IGF2R: variants seen among roughly 807,000 people sequenced by gnomAD.
IGF2R encodes insulin like growth factor 2 receptor.
Under a neutral mutation model 270.6 loss-of-function variants are expected in IGF2R, and 91 were observed. The observed-to-expected ratio is 0.34, with a 90% CI of 0.28 to 0.40. The LOEUF is 0.40. Among genes scored for constraint, IGF2R ranks in the 10% least tolerant of loss-of-function variants. The pLI, the probability that IGF2R is intolerant of heterozygous loss-of-function variation, is 1.00. For missense variants in IGF2R, 2,805 were observed against 3,188.3 expected (o/e 0.88, Z 2.90); for synonymous variants, 1,316 against 1,258.9 (o/e 1.05, Z -0.96).
intron 4 of IGF2R, among the ~76,000 whole-genome samples, chr6:160,013,834 C>T (rs888022410): frequency 1.3e-5 from 2 of 152,070 alleles, no homozygotes; most frequent in South Asian, 2.1e-4. Flanking sequence ...CTTAATAAAG[C>T]GTATGCCCTT....
chr6:160,019,797 AG>A (rs1271785110), intron 4 of IGF2R, among the ~76,000 whole-genome samples: 1 of 152,212 alleles, frequency 6.6e-6, no homozygotes, highest in Non-Finnish European at 1.5e-5. Context: ...AAATATTAGA[AG>A]GGACATACCT....
chr6:160,059,922 A>G (rs1481240668), intron 22 of IGF2R, among the ~76,000 whole-genome samples: 1 of 152,260 alleles, frequency 6.6e-6, no homozygotes, highest in Non-Finnish European at 1.5e-5. Flanking sequence ...TAAGCCAACG[A>G]ATTAGAGTTA....
At chr6:160,051,343 G>T (rs1400185331) in intron 19 of IGF2R, among the ~76,000 whole-genome samples, 3 of 152,346 alleles carry the variant, frequency 2.0e-5, no homozygotes, top group African/African-American at 7.2e-5. Context: ...TGTGATTGCT[G>T]TCCTCAGTCT....
chr6:159,991,413 T>C (rs1434077627), intron 2 of IGF2R, 90 bp downstream of exon 2: 3 of 1,076,534 alleles, frequency 2.8e-6, no homozygotes, highest in Non-Finnish European at 4.0e-6. Context: ...TATATAGCGA[T>C]ACAAAAATTT....
At chr6:160,003,933 G>A (rs1404370807) in intron 2 of IGF2R, 1 of 151,416 alleles carries the variant, frequency 6.6e-6, no homozygotes, top group African/African-American at 2.4e-5. Flanking sequence ...CTTGAGTTGA[G>A]GGAGTGAGCT....
intron 1 of IGF2R, among the ~76,000 whole-genome samples, chr6:159,976,532 G>A (rs146951840): frequency 2.0e-4 from 31 of 151,698 alleles, no homozygotes; most frequent in African/African-American, 6.0e-4. Flanking sequence ...TCTGTTTCTC[G>A]TTTGACTTGA....
intron 45 of IGF2R, among the ~76,000 whole-genome samples, chr6:160,099,805 G>A (rs980617940): frequency 9.2e-5 from 14 of 152,298 alleles, no homozygotes; most frequent in African/African-American, 2.9e-4. Flanking sequence ...CAACAGTGGT[G>A]TCTAAGCTGA....
rs1562351165 is a variant in IGF2R at position 160,034,475 on chromosome 6, G to A, written c.1268G>A (p.Gly423Glu). ...TTTGGAGGTGATGAATGCAGCTCAG[G>A]GTTTCAGCGGATGAGCGTCATAAAC... ...IYFGGDECSS[G>E]FQRMSVINFE... The change falls in exon 10 of 48, where the codon GGG (glycine) becomes GAG (glutamate). Residue 423 changes from glycine (G) to glutamate (E), a missense_variant. Physicochemically the swap from Gly to Glu is moderately conservative, Grantham distance 98. This residue lies in a region of IGF2R where 954 missense variants were observed against 981.1 expected (regional missense o/e 0.97). Coordinates refer to ENST00000356956, the MANE Select transcript of IGF2R (RefSeq NM_000876.4). The A allele has an allele frequency of 6.2e-7, 1 of 1,611,664 alleles. No individual in the cohort carries two copies. The highest frequency in any genetic ancestry group is 8.5e-7 in the Non-Finnish European group (1 of 1,177,812).
In IGF2R at chr6:160,032,543, C is replaced by T. The variant is rs1205642413; in HGVS notation, c.883-8C>T. ...TTTATTTTGCTTCTTTCACATTGTT[C>T]CTGATAGGGCACCATTCCCAAACTC... On this transcript the variant is annotated splice_region_variant and splice_polypyrimidine_tract_variant and intron_variant, in intron 7 of 47. Coordinates refer to ENST00000356956, the MANE Select transcript of IGF2R (RefSeq NM_000876.4). The T allele has an allele frequency of 3.1e-6, 5 of 1,612,424 alleles. No homozygotes were observed. The South Asian group carries it at 5.5e-5, about 18-fold the overall frequency.
At position 159,969,266 on chromosome 6, in the gene IGF2R, G is replaced by T. The variant is rs1338226468; in HGVS notation, c.20G>T (p.Arg7Leu). Residue 7 changes from arginine (R) to leucine (L), a missense_variant, in exon 1 of 48, where the codon CGG (arginine) becomes CTG (leucine). Around this residue, in one of 2 missense-constraint regions of IGF2R, gnomAD observed 954 missense variants for 981.1 expected, o/e 0.97. Coordinates refer to ENST00000356956, the MANE Select transcript of IGF2R (RefSeq NM_000876.4). MGAAAG[R>L]SPHLGPAPAR... ...GGCGCGATGGGGGCCGCCGCCGGCC[G>T]GAGCCCCCACCTGGGGCCCGCGCCC... 1 of 1,114,826 alleles carries T rather than the reference G, an allele frequency of 9.0e-7. No homozygotes were observed. Among genetic ancestry groups the T allele is most frequent in the Non-Finnish European group, 1.1e-6 (1 of 916,582 alleles). The allele number at this position is 1,114,826 out of a possible 1,614,324, so 69.1% of individuals were successfully genotyped here.
chr6:160,073,672 T>G, intron 34 of IGF2R, 85 bp from the exon 35 acceptor site: 1 of 1,248,476 alleles, frequency 8.0e-7, no homozygotes, highest in Admixed American at 2.1e-5. Context: ...GTTGTTGTTA[T>G]TCAGCTTTTA....
chr6:159,986,630 G>A (rs1364219456), intron 1 of IGF2R, among the ~76,000 whole-genome samples: 1 of 152,026 alleles, frequency 6.6e-6, no homozygotes, highest in South Asian at 2.1e-4. Context: ...GAGTGAAGAC[G>A]GTGTTTCCAC....
At chr6:160,039,612 C>T (rs1472757645) in intron 10 of IGF2R, among the ~76,000 whole-genome samples, 1 of 152,122 alleles carries the variant, frequency 6.6e-6, no homozygotes, top group East Asian at 1.9e-4. Context: ...ATCTTACTTC[C>T]TGTTTTCTTA....
chr6:160,074,866 G>A (rs1399703231), intron 35 of IGF2R, among the ~76,000 whole-genome samples: 1 of 152,218 alleles, frequency 6.6e-6, no homozygotes, highest in Non-Finnish European at 1.5e-5. Context: ...GTGAGATGGA[G>A]GCCTGGACAA....
intron 4 of IGF2R, among the ~76,000 whole-genome samples, chr6:160,023,904 A>T (rs1777493251): frequency 6.6e-6 from 1 of 152,142 alleles, no homozygotes; most frequent in East Asian, 1.9e-4. Flanking sequence ...GGAAGGTGAG[A>T]AGTGTTTCCA....
chr6:159,993,985 A>ATTTTTTT (rs59369382), intron 2 of IGF2R, among the ~76,000 whole-genome samples: 15 of 61,042 alleles, frequency 2.5e-4, no homozygotes, highest in Admixed American at 6.7e-4. Flanking sequence ...CTCCAACTTG[A>ATTTTTTT]TTTTTTTTTT....
rs188728348 is a variant in IGF2R at position 160,038,152 on chromosome 6, G to A, written c.1316-2408G>A. ...CTTTTGCTGGAATTGAGAGACTGAG[G>A]ACACAAAGTGGTGTGCTGGAGAATA... On this transcript the variant is annotated intron_variant, in intron 10 of 47. Coordinates refer to ENST00000356956, the MANE Select transcript of IGF2R (RefSeq NM_000876.4). 1.2e-4 allele frequency among the ~76,000 whole-genome samples: 18 copies of A among 152,226 alleles called. No homozygotes were observed. The East Asian group carries it at 1.5e-3, about 13-fold the overall frequency.
At chr6:160,101,606 C>T (rs1020830391) in intron 45 of IGF2R, among the ~76,000 whole-genome samples, 5 of 152,358 alleles carry the variant, frequency 3.3e-5, no homozygotes, top group South Asian at 2.1e-4. Context: ...GCACAAGATG[C>T]GCCCCGCTGG....
intron 45 of IGF2R, among the ~76,000 whole-genome samples, chr6:160,098,557 G>A (rs963651065): frequency 5.3e-5 from 8 of 152,118 alleles, no homozygotes; most frequent in Non-Finnish European, 7.4e-5. Flanking sequence ...GGTGGCTCAC[G>A]CTTGTAATCC....
Sources: gnomAD v4.1 joint callset for allele counts (sites outside exome capture counted in the v4.1 genomes callset) on GRCh38, gnomAD v4.1.1 for gene constraint, gnomAD v4.1.1 regional missense constraint, MANE v1.5 for transcripts, NCBI Gene and HGNC (gene_info 2026-07-23, HGNC 2026-07-21) for gene names.